Variants in CIITA observed in about 807,000 individuals in gnomAD.
CIITA encodes MHC class II transactivator.
In CIITA, 72 loss-of-function variants were observed where a neutral mutation model predicts 115.1. That is an observed-to-expected ratio of 0.63 (90% CI 0.52 to 0.76). The LOEUF (loss-of-function observed/expected upper bound fraction) is 0.76, where lower values mean the gene tolerates loss of function less well. CIITA is among the 30% of genes least tolerant of loss of function. The pLI, the probability that CIITA is intolerant of heterozygous loss-of-function variation, is 0.00. For missense variants in CIITA, 1,617 were observed against 1,463.8 expected (o/e 1.10, Z -1.71); for synonymous variants, 763 against 635.6 (o/e 1.20, Z -3.02).
At chr16:10,875,206 A>C (rs558341923), upstream of CIITA, among the ~76,000 whole-genome samples, 14 of 152,070 alleles carry the variant, frequency 9.2e-5, no homozygotes, top group African/African-American at 3.1e-4. Flanking sequence ...TGATCTGCCC[A>C]CCTCAGCCTC....
Position 10,929,245 on chromosome 16 carries a change from G to A in CIITA, c.*5390G>A, listed in dbSNP as rs1011456213. 18 of 985,784 alleles carry A rather than the reference G, an allele frequency of 1.8e-5. No homozygotes were observed. Among genetic ancestry groups the A allele is most frequent in the African/African-American group, 3.5e-5 (2 of 57,246 alleles). The allele number at this position is 985,784 out of a possible 1,614,324, so 61.1% of individuals were successfully genotyped here. A position where few individuals can be genotyped will look rare whatever the true frequency, so the allele number is the denominator to read the frequency against. ...AAACGGAGCTGGGAGTCGCTTTTGC[G>A]TGTGTCCGCAGTTTGAAGTGTCCTC... On this transcript the variant is annotated 3_prime_UTR_variant, in exon 20 of 20. Transcript: ENST00000324288. The surrounding 1 kb of genome is among the most constrained non-coding windows in gnomAD (Gnocchi z 4.3).
chr16:10,914,244 T>TG (rs1290158626), intron 13 of CIITA, among the ~76,000 whole-genome samples: 1 of 152,114 alleles, frequency 6.6e-6, no homozygotes, highest in Non-Finnish European at 1.5e-5. Context: ...GTGAAATATT[T>TG]GAGGAGATCA....
At chr16:10,904,658 G>T (rs1233264101) in intron 9 of CIITA, 86 bp from the exon 10 acceptor site, 1 of 1,383,184 alleles carries the variant, frequency 7.2e-7, no homozygotes, top group Non-Finnish European at 1.0e-6. Flanking sequence ...GCCCATGAAG[G>T]CTGTAAGGAC....
At chr16:10,871,802 T>C (rs2035504371) in intron 1 of CIITA, among the ~76,000 whole-genome samples, 1 of 152,128 alleles carries the variant, frequency 6.6e-6, no homozygotes, top group African/African-American at 2.4e-5. Flanking sequence ...GTGCCTTTCA[T>C]CTTGGACTGC....
rs554558908 is a variant in CIITA at position 10,910,403 on chromosome 16, C to G, written c.2888+144C>G. ...CCACTTTGGAAATAGCTTCCAGCAG[C>G]TGGAAAGTGACCAGTGTGGGCAAAT... On this transcript the variant is annotated intron_variant, in intron 13 of 19. Transcript: ENST00000324288. 1.4e-5 allele frequency: 11 copies of G among 775,372 alleles called. No homozygotes were observed. The African/African-American group carries it at 1.9e-4, about 13-fold the overall frequency. 48.0% of individuals were successfully genotyped at this position (775,372 alleles called of 1,614,324 possible). A position where few individuals can be genotyped will look rare whatever the true frequency, so the allele number is the denominator to read the frequency against.
upstream of CIITA, among the ~76,000 whole-genome samples, chr16:10,876,027 G>A (rs1364590148): frequency 6.6e-6 from 1 of 152,014 alleles, no homozygotes; most frequent in Non-Finnish European, 1.5e-5. Context: ...GCAGGTGCCT[G>A]TAATCCCAGC....
chr16:10,926,952 G>A lies in CIITA; in HGVS notation c.*3097G>A, dbSNP rs1367708969. The A allele has an allele frequency of 6.6e-6, 1 of 152,256 alleles. No homozygotes were observed. The highest frequency in any genetic ancestry group is 1.5e-5 in the Non-Finnish European group (1 of 68,058). 9.4% of individuals were successfully genotyped at this position (152,256 alleles called of 1,614,324 possible). A position where few individuals can be genotyped will look rare whatever the true frequency, so the allele number is the denominator to read the frequency against. ...GACACTGTGCTAAACTCCTACTCAA[G>A]AGGGATAAGAGTCTAGGGGCAAGTG... On this transcript the variant is annotated 3_prime_UTR_variant, in exon 20 of 20. Coordinates refer to ENST00000324288, the MANE Select transcript of CIITA (RefSeq NM_000246.4).
intron 12 of CIITA, among the ~76,000 whole-genome samples, 167 bp from the exon 13 acceptor site, chr16:10,910,021 C>T (rs186124123): frequency 1.3e-5 from 2 of 150,236 alleles, no homozygotes; most frequent in Admixed American, 1.3e-4. Context: ...AGTCACGAGG[C>T]ACCGCACCCA....
chr16:10,941,736 A>G lies in CIITA; in HGVS notation n.862A>G. On this transcript the variant is annotated non_coding_transcript_exon_variant, in exon 2 of 2. Coordinates refer to the CIITA transcript ENST00000573379. This position sits in a 1 kb window ranked among gnomAD's most constrained non-coding sequence, Gnocchi z 6.4. ...CGAGACCCTACTCCAAGTACGCATC[A>G]AAGACGTCGAGCTCCGAGTCAGCAT... 3.1e-6 allele frequency: 5 copies of G among 1,611,032 alleles called. No individual in the cohort carries two copies. The highest frequency in any genetic ancestry group is 4.2e-6 in the Non-Finnish European group (5 of 1,178,494).
intron 1 of CIITA, among the ~76,000 whole-genome samples, chr16:10,868,812 G>A (rs907905874): frequency 4.6e-5 from 7 of 152,118 alleles, no homozygotes; most frequent in African/African-American, 7.2e-5. Flanking sequence ...CTGATCCCAC[G>A]TGACTCCAGA....
chr16:10,911,471 CTT>C (rs917514532), intron 13 of CIITA, among the ~76,000 whole-genome samples: 13 of 147,796 alleles, frequency 8.8e-5, no homozygotes. Flanking sequence ...TCTCCTTTCT[CTT>C]TCTTTCTTTC....
rs1246373000 is a variant in CIITA, at chr16:10,933,103, A to T, written c.*9248A>T. The stretch of plus-strand genomic sequence containing the variant: ...GCAGGTTCTCCAACCTTCTGACATC[A>T]TCAGAGCACAGCAGACAAGTTATCA... On this transcript the variant is annotated 3_prime_UTR_variant, in exon 20 of 20. Transcript: ENST00000324288. The T allele has an allele frequency of 3.3e-5, 5 of 152,212 alleles. No individual in the cohort carries two copies. Among genetic ancestry groups the T allele is most frequent in the African/African-American group, 1.2e-4 (5 of 41,442 alleles). 9.4% of individuals were successfully genotyped at this position (152,212 alleles called of 1,614,324 possible). A position where few individuals can be genotyped will look rare whatever the true frequency, so the allele number is the denominator to read the frequency against.
At position 10,932,863 on chromosome 16, in the gene CIITA, T is replaced by A. The variant is rs2040858803; in HGVS notation, c.*9008T>A. The A allele has an allele frequency of 6.6e-6, 1 of 151,952 alleles. No individual in the cohort carries two copies. Among genetic ancestry groups the A allele is most frequent in the African/African-American group, 2.4e-5 (1 of 41,352 alleles). 9.4% of individuals were successfully genotyped at this position (151,952 alleles called of 1,614,324 possible). Reference sequence around the variant, plus strand: ...TCACCATGCCTGGCTAATTGATGTATTTTTTAGTAGAGATGGGGTTTCACC... The same window carrying A: ...TCACCATGCCTGGCTAATTGATGTAATTTTTAGTAGAGATGGGGTTTCACC... On this transcript the variant is annotated 3_prime_UTR_variant, in exon 20 of 20. Transcript: ENST00000324288.
At chr16:10,909,336 C>T in intron 12 of CIITA, 149 bp downstream of exon 12, 1 of 871,302 alleles carries the variant, frequency 1.1e-6, no homozygotes, top group Non-Finnish European at 1.9e-6. Flanking sequence ...TAACCAGAGT[C>T]TCTCACTGCA....
chr16:10,888,012 T>G (rs2037136357), intron 1 of CIITA, among the ~76,000 whole-genome samples: 1 of 152,162 alleles, frequency 6.6e-6, no homozygotes, highest in African/African-American at 2.4e-5. Flanking sequence ...CGTTAACAGT[T>G]GAAACAGAAT....
Position 10,941,935 on chromosome 16 carries a change from A to G in CIITA, n.1061A>G, listed in dbSNP as rs1210143170. The G allele has an allele frequency of 1.9e-6, 3 of 1,589,828 alleles. No homozygotes were observed. The highest frequency in any genetic ancestry group is 1.3e-5 in the African/African-American group (1 of 74,662). The stretch of plus-strand genomic sequence containing the variant: ...GCCCACGTAGAACATAGAGGGCAGC[A>G]GCGGCGGCGGCACGTAGGGGACCAG... On this transcript the variant is annotated non_coding_transcript_exon_variant, in exon 2 of 2. Coordinates refer to the CIITA transcript ENST00000573379. The surrounding 1 kb of genome is among the most constrained non-coding windows in gnomAD (Gnocchi z 6.4).
rs1467107243 is a variant in CIITA at position 10,916,259 on chromosome 16, G to T, written c.2970-108G>T. 3 of 961,606 alleles carry T rather than the reference G, an allele frequency of 3.1e-6. No homozygotes were observed. The Admixed American group carries it at 5.9e-5, about 19-fold the overall frequency. 59.6% of individuals were successfully genotyped at this position (961,606 alleles called of 1,614,324 possible). A position where few individuals can be genotyped will look rare whatever the true frequency, so the allele number is the denominator to read the frequency against. On this transcript the variant is annotated intron_variant, in intron 14 of 19. Coordinates refer to ENST00000324288, the MANE Select transcript of CIITA (RefSeq NM_000246.4). ...GGCTGCCTATGGTGTATTAGAGCTG[G>T]GGGGTGGGAAGGGCAGGTGCCAGGG...
chr16:10,881,454 T>G (rs4781011), intron 1 of CIITA, among the ~76,000 whole-genome samples: 94,107 of 152,044 alleles, frequency 0.62, 31,038 homozygotes, highest in Middle Eastern at 0.75. Flanking sequence ...TCAGATTCCT[T>G]CAATCCTTCT....
At position 10,928,196 on chromosome 16, in the gene CIITA, C is replaced by G. The variant is rs2040613914; in HGVS notation, c.*4341C>G. On this transcript the variant is annotated 3_prime_UTR_variant, in exon 20 of 20. Coordinates refer to ENST00000324288, the MANE Select transcript of CIITA (RefSeq NM_000246.4). ...TAGAAAGGGGTCAATCGTTTGAACCCTGCTTCACTTGGTGTGTATGTGAAG... is the reference window on the plus strand; with the variant it reads ...TAGAAAGGGGTCAATCGTTTGAACCGTGCTTCACTTGGTGTGTATGTGAAG... 1 of 152,224 alleles carries G rather than the reference C, an allele frequency of 6.6e-6. No homozygotes were observed. The highest frequency in any genetic ancestry group is 1.5e-5 in the Non-Finnish European group (1 of 68,050). The allele number at this position is 152,224 out of a possible 1,614,324, so 9.4% of individuals were successfully genotyped here. A position where few individuals can be genotyped will look rare whatever the true frequency, so the allele number is the denominator to read the frequency against.
Sources: gnomAD v4.1 joint callset for allele counts (sites outside exome capture counted in the v4.1 genomes callset) on GRCh38, gnomAD v4.1.1 for gene constraint, Gnocchi (gnomAD v3.1) non-coding constraint, MANE v1.5 for transcripts, NCBI Gene and HGNC (gene_info 2026-07-23, HGNC 2026-07-21) for gene names.